The following RAPGEF2 variants were observed in gnomAD, a reference collection of about 807,000 sequenced individuals.
RAPGEF2 encodes PDZ domain containing guanine nucleotide exchange factor (GEF) 1.
RAPGEF2 carries 54 observed loss-of-function variants against 186.7 expected under a neutral mutation model. That is an observed-to-expected ratio of 0.29 (90% CI 0.23 to 0.36). The LOEUF is 0.36. Ranked by LOEUF, RAPGEF2 falls within the 10% of genes least tolerant of loss-of-function variation. RAPGEF2 has a pLI of 1.00. For synonymous variants in RAPGEF2, 712 were observed against 705.9 expected (o/e 1.01, Z -0.14); for missense variants, 1,532 against 2,045.0 (o/e 0.75, Z 4.84).
chr4:159,128,735 CTT>C (rs1740653801), intron 1 of RAPGEF2: 1 of 151,446 alleles, frequency 6.6e-6, no homozygotes, highest in South Asian at 2.1e-4. Context: ...TGTAAAAACT[CTT>C]TTACACCAAT....
intron 4 of RAPGEF2, among the ~76,000 whole-genome samples, chr4:159,228,752 ATGTG>A (rs963137940): frequency 6.6e-6 from 1 of 152,074 alleles, no homozygotes; most frequent in Non-Finnish European, 1.5e-5. Context: ...TACTTGGTGT[ATGTG>A]TGTGTGTGAT....
chr4:159,226,190 T>C (rs1752010511), intron 4 of RAPGEF2, among the ~76,000 whole-genome samples: 1 of 152,194 alleles, frequency 6.6e-6, no homozygotes, highest in Admixed American at 6.5e-5. Context: ...GGTTTACATT[T>C]CTTCCTACAG....
chr4:159,173,308 C>T (rs745886416), intron 1 of RAPGEF2, among the ~76,000 whole-genome samples: 13 of 152,076 alleles, frequency 8.5e-5, no homozygotes, highest in African/African-American at 2.9e-4. Context: ...TGACCTATTC[C>T]GCTTTGCTTT....
chr4:159,285,069 C>G (rs1048200355), intron 7 of RAPGEF2, among the ~76,000 whole-genome samples: 2 of 152,102 alleles, frequency 1.3e-5, no homozygotes, highest in African/African-American at 4.8e-5. Flanking sequence ...ACATACTCTT[C>G]TTGTGTTGAC....
intron 7 of RAPGEF2, among the ~76,000 whole-genome samples, chr4:159,251,630 T>C (rs1755409013): frequency 6.6e-6 from 1 of 151,784 alleles, no homozygotes; most frequent in Non-Finnish European, 1.5e-5. Flanking sequence ...CTAGCAAGTC[T>C]CGTGGGGACT....
chr4:159,304,975 G>A (rs1763105013), intron 8 of RAPGEF2, among the ~76,000 whole-genome samples: 1 of 152,130 alleles, frequency 6.6e-6, no homozygotes, highest in African/African-American at 2.4e-5. Context: ...AATCAAGATA[G>A]TGGCCTCCAC....
chr4:159,337,685 C>T (rs1230736866), intron 17 of RAPGEF2, among the ~76,000 whole-genome samples: 6 of 148,880 alleles, frequency 4.0e-5, no homozygotes, highest in East Asian at 2.0e-4. Flanking sequence ...GTCAGGAGAT[C>T]GAGACCATCC....
chr4:159,359,235 T>C lies in RAPGEF2; in HGVS notation c.*1096T>C, dbSNP rs1732464700. The C allele has an allele frequency of 6.6e-6, 1 of 152,226 alleles. No individual in the cohort carries two copies. Among genetic ancestry groups the C allele is most frequent in the Admixed American group, 6.5e-5 (1 of 15,280 alleles). The allele number at this position is 152,226 out of a possible 1,614,324, so 9.4% of individuals were successfully genotyped here. The stretch of plus-strand genomic sequence containing the variant: ...TTGGGATGTTGGAGCTAATGCCAGC[T>C]GTTTATACTGCTCTTTCAAGACAGC... On this transcript the variant is annotated 3_prime_UTR_variant, in exon 30 of 30. Coordinates refer to ENST00000691494, the MANE Select transcript of RAPGEF2 (RefSeq NM_001394067.2).
rs533851504 is a variant in RAPGEF2 at position 159,261,268 on chromosome 4, T to C, written c.543+17477T>C. Among the ~76,000 whole-genome samples, 289 of 151,344 alleles carry C rather than the reference T, an allele frequency of 1.9e-3. 2 individuals are homozygous for C. Among genetic ancestry groups the C allele is most frequent in the South Asian group, 0.011 (53 of 4,762 alleles). On this transcript the variant is annotated intron_variant, in intron 7 of 29. Coordinates refer to ENST00000691494, the MANE Select transcript of RAPGEF2 (RefSeq NM_001394067.2). ...TAGTAGAGATGGGGTTTCACTGTGT[T>C]AGCCAGGATGGTCTCCATCTCCTGA...
rs111577731 is a variant in RAPGEF2 at position 159,135,079 on chromosome 4, C to T, written c.69+30848C>T. 7.8e-3 allele frequency among the ~76,000 whole-genome samples: 1,189 copies of T among 152,146 alleles called. 12 individuals carry two copies. Among genetic ancestry groups the T allele is most frequent in the African/African-American group, 0.026 (1,079 of 41,506 alleles). On this transcript the variant is annotated intron_variant, in intron 1 of 29. Coordinates refer to ENST00000691494, the MANE Select transcript of RAPGEF2 (RefSeq NM_001394067.2). ...TGTTTTTGAGACAGGAGTCTCACTC[C>T]GTTGCCCAGGCTGGAGTGCAGTGGT... is the stretch of plus-strand genomic sequence containing the variant.
At position 159,273,699 on chromosome 4, in the gene RAPGEF2, T is replaced by C. The variant is rs190725501; in HGVS notation, c.543+29908T>C. Among the ~76,000 whole-genome samples the C allele has an allele frequency of 2.8e-5, 4 of 140,810 alleles. No individual in the cohort carries two copies. In the East Asian group the frequency reaches 6.2e-4, roughly 22 times the overall value. 92.4% of individuals were successfully genotyped at this position (140,810 alleles called of 152,430 possible). ...CTTTCTTTCTTTCTTTCTTTCTTTC[T>C]TTCTCAATTTAAATATTATATAAAA... On this transcript the variant is annotated intron_variant, in intron 7 of 29. Coordinates refer to ENST00000691494, the MANE Select transcript of RAPGEF2 (RefSeq NM_001394067.2).
At chr4:159,208,880 A>G (rs1579467978) in intron 3 of RAPGEF2, among the ~76,000 whole-genome samples, 1 of 151,106 alleles carries the variant, frequency 6.6e-6, no homozygotes, top group African/African-American at 2.5e-5. Context: ...AAAAAAAAGA[A>G]ATCTCACAAT....
intron 7 of RAPGEF2, among the ~76,000 whole-genome samples, chr4:159,280,982 A>ACTT (rs145564659): frequency 0.55 from 78,224 of 141,258 alleles, 21,441 homozygotes; most frequent in Non-Finnish European, 0.6. Flanking sequence ...TAATTTAACT[A>ACTT]CTTCTTTTTT....
At chr4:159,313,850 C>G (rs1219440071) in intron 8 of RAPGEF2, among the ~76,000 whole-genome samples, 1 of 151,964 alleles carries the variant, frequency 6.6e-6, no homozygotes, top group Non-Finnish European at 1.5e-5. Flanking sequence ...TCACAAAAGG[C>G]TACATGGTGA....
intron 1 of RAPGEF2, among the ~76,000 whole-genome samples, chr4:159,184,163 C>G (rs1747320845): frequency 6.6e-6 from 1 of 152,154 alleles, no homozygotes; most frequent in South Asian, 2.1e-4. Flanking sequence ...TGGGTTGGTT[C>G]CAAGTCTTTG....
chr4:159,358,281 C>A lies in RAPGEF2; in HGVS notation c.*142C>A. On this transcript the variant is annotated 3_prime_UTR_variant, in exon 30 of 30. Transcript: ENST00000691494. ...TCCCTGCCTTAAAAGCAGCATGGGG[C>A]TTCTTCTCCCCTTCTTCCTTTCCCC... The A allele has an allele frequency of 1.4e-6, 1 of 705,420 alleles. No homozygotes were observed. Among genetic ancestry groups the A allele is most frequent in the South Asian group, 2.0e-5 (1 of 48,946 alleles). The allele number at this position is 705,420 out of a possible 1,614,324, so 43.7% of individuals were successfully genotyped here. A position where few individuals can be genotyped will look rare whatever the true frequency, so the allele number is the denominator to read the frequency against.
rs531887528 is a variant in RAPGEF2 at position 159,220,489 on chromosome 4, T to A, written c.281+9906T>A. On this transcript the variant is annotated intron_variant, in intron 4 of 29. Coordinates refer to ENST00000691494, the MANE Select transcript of RAPGEF2 (RefSeq NM_001394067.2). Reference sequence around the variant, plus strand: ...ATTTGGGAATTCCGTGATTTCCTGCTGCCAAACATAAATCCACACTCCTTG... The same window carrying A: ...ATTTGGGAATTCCGTGATTTCCTGCAGCCAAACATAAATCCACACTCCTTG... Among the ~76,000 whole-genome samples the A allele has an allele frequency of 1.1e-3, 161 of 152,222 alleles. 1 individual carries two copies. The highest frequency in any genetic ancestry group is 2.0e-3 in the Non-Finnish European group (134 of 68,034).
At chr4:159,106,542 G>C (rs915353166) in intron 1 of RAPGEF2, among the ~76,000 whole-genome samples, 3 of 152,278 alleles carry the variant, frequency 2.0e-5, no homozygotes, top group Admixed American at 6.5e-5. Context: ...TATTAGAAAA[G>C]CAACCATGTT....
At chr4:159,167,326 GTAAC>G in intron 1 of RAPGEF2, among the ~76,000 whole-genome samples, 1 of 152,292 alleles carries the variant, frequency 6.6e-6, no homozygotes, top group Non-Finnish European at 1.5e-5. Flanking sequence ...GCTTCAAATG[GTAAC>G]TAATCAGCTG....
Sources: gnomAD v4.1 joint callset for allele counts (sites outside exome capture counted in the v4.1 genomes callset) on GRCh38, gnomAD v4.1.1 for gene constraint, MANE v1.5 for transcripts, NCBI Gene and HGNC (gene_info 2026-07-23, HGNC 2026-07-21) for gene names.